SCNN1G: variants seen among roughly 807,000 people sequenced by gnomAD.
The protein encoded by SCNN1G is epithelial sodium channel subunit gamma.
In SCNN1G, 27 loss-of-function variants were observed where a neutral mutation model predicts 64.6. The ratio of observed to expected loss-of-function variants is 0.42; its 90% CI spans 0.31 to 0.58. The LOEUF is 0.58. Among genes scored for constraint, SCNN1G ranks in the 20% least tolerant of loss-of-function variants. SCNN1G has a pLI of 0.18. For synonymous variants in SCNN1G, 330 were observed against 314.2 expected, an observed-to-expected ratio of 1.05 and a Z score of -0.53; for missense variants, 743 against 823.4, an observed-to-expected ratio of 0.90 and a Z score of 1.19.
At chr16:23,209,880 G>C in intron 7 of SCNN1G, 32 bp downstream of exon 7, 2 of 1,502,658 alleles carry the variant, frequency 1.3e-6, no homozygotes, top group Non-Finnish European at 1.9e-6. Flanking sequence ...CCAGCCCTGG[G>C]TTTATGGCCC....
chr16:23,215,239 G>T lies in SCNN1G; in HGVS notation c.1720G>T (p.Ala574Ser). The T allele has an allele frequency of 6.2e-7, 1 of 1,614,158 alleles. No individual in the cohort carries two copies. The part of the protein sequence containing the change: ...RQWQKAKEWW[A>S]WKQAPPCPEA... ...GTGGCAGAAAGCCAAGGAGTGGTGG[G>T]CCTGGAAACAGGCTCCCCCATGTCC... Residue 574 changes from alanine to serine, a missense_variant, in exon 13 of 13, where the codon GCC (alanine) becomes TCC (serine). Physicochemically the swap from Ala to Ser is moderately conservative, Grantham distance 99. Transcript: ENST00000300061.
At chr16:23,189,782 C>T (rs574287508) in intron 3 of SCNN1G, 111 bp downstream of exon 3, 2 of 1,068,550 alleles carry the variant, frequency 1.9e-6, no homozygotes, top group South Asian at 2.5e-5. Context: ...AGAAATACAC[C>T]CAGCTGGGGT....
In SCNN1G at chr16:23,213,158, C is replaced by G. The variant is rs1280742959; in HGVS notation, c.1488C>G (p.Leu496=). 1 of 1,611,808 alleles carries G rather than the reference C, an allele frequency of 6.2e-7. No homozygotes were observed. Among genetic ancestry groups the G allele is most frequent in the Admixed American group, 1.7e-5 (1 of 59,914 alleles). ...WDQGRQVNKK[L]NKTDLAKLLI... ...AAGGCCGGCAAGTAAACAAAAAGCTCAACAAGTAAGTTACCTCTACCCTGT... is the reference window on the plus strand; with the variant it reads ...AAGGCCGGCAAGTAAACAAAAAGCTGAACAAGTAAGTTACCTCTACCCTGT... Residue 496 remains leucine, a synonymous_variant, in exon 11 of 13, where the codon CTC becomes CTG. Transcript: ENST00000300061.
chr16:23,206,552 C>T (rs907220205), intron 6 of SCNN1G, among the ~76,000 whole-genome samples: 4 of 152,042 alleles, frequency 2.6e-5, no homozygotes, highest in African/African-American at 9.7e-5. Context: ...GAGGTCAAGG[C>T]TGCCATGAGC....
chr16:23,185,417 C>T (rs7404408), intron 1 of SCNN1G, among the ~76,000 whole-genome samples: 33,012 of 152,068 alleles, frequency 0.22, 3,909 homozygotes, highest in Admixed American at 0.31. Context: ...ATGCATCGTG[C>T]ACATTGATGA....
chr16:23,190,455 A>G (rs937631326), intron 3 of SCNN1G, among the ~76,000 whole-genome samples: 4 of 152,228 alleles, frequency 2.6e-5, no homozygotes, highest in Admixed American at 2.6e-4. Flanking sequence ...GGGCAGATGC[A>G]GGGATCTGGG....
Position 23,212,151 on chromosome 16 carries a change from A to C in SCNN1G, c.1294A>C (p.Met432Leu). Residue 432 changes from methionine (M) to leucine (L), a missense_variant and splice_region_variant, in exon 8 of 13, where the codon ATG (methionine) becomes CTG (leucine). By Grantham distance (15) the Met-to-Leu change is conservative. Coordinates refer to ENST00000300061, the MANE Select transcript of SCNN1G (RefSeq NM_001039.4). Reference sequence around the variant, plus strand: ...CAACTACCAGCAGCACCCCAACTGGAGTGAGTGAGACCCAGCTCCAGCCTT... The same window carrying C: ...CAACTACCAGCAGCACCCCAACTGGCGTGAGTGAGACCCAGCTCCAGCCTT... ...YCNYQQHPNW[M>L]YCYYQLHRAF... 6.3e-7 allele frequency: 1 copy of C among 1,598,778 alleles called. No individual in the cohort carries two copies. Among genetic ancestry groups the C allele is most frequent in the Non-Finnish European group, 8.6e-7 (1 of 1,166,236 alleles).
Position 23,197,394 on chromosome 16 carries a change from G to A in SCNN1G, c.1044G>A (p.Glu348=). The A allele has an allele frequency of 6.2e-7, 1 of 1,614,110 alleles. No individual in the cohort carries two copies. The highest frequency in any genetic ancestry group is 8.5e-7 in the Non-Finnish European group (1 of 1,179,982). The change falls in exon 6 of 13, where the codon GAG becomes GAA. Residue 348 remains glutamate (E), a synonymous_variant. Coordinates refer to ENST00000300061, the MANE Select transcript of SCNN1G (RefSeq NM_001039.4). ...PFVEDVGTEI[E]TAMVTSIGMH... ...TCGAAGATGTGGGAACAGAGATTGA[G>A]ACAGCAATGGTCACCTCTATAGGAA... is the stretch of plus-strand genomic sequence containing the variant.
chr16:23,210,436 G>A (rs906204078), intron 7 of SCNN1G, among the ~76,000 whole-genome samples: 16 of 152,218 alleles, frequency 1.1e-4, no homozygotes, highest in Non-Finnish European at 2.4e-4. Flanking sequence ...AGGATAAACA[G>A]TGGGTGTAGC....
At chr16:23,206,474 G>A (rs1233642960) in intron 6 of SCNN1G, among the ~76,000 whole-genome samples, 1 of 152,154 alleles carries the variant, frequency 6.6e-6, no homozygotes, top group Non-Finnish European at 1.5e-5. Flanking sequence ...AGCTTGCTGG[G>A]TGCAGCGCCC....
intron 7 of SCNN1G, among the ~76,000 whole-genome samples, chr16:23,210,535 C>T (rs775502007): frequency 1.3e-5 from 2 of 152,196 alleles, no homozygotes; most frequent in Non-Finnish European, 2.9e-5. Flanking sequence ...CTCCTGTAGA[C>T]ATCTGACTTT....
At position 23,212,157 on chromosome 16, in the gene SCNN1G, T is replaced by C; in HGVS notation, c.1294+6T>C. 6.3e-7 allele frequency: 1 copy of C among 1,581,648 alleles called. No homozygotes were observed. The highest frequency in any genetic ancestry group is 8.7e-7 in the Non-Finnish European group (1 of 1,150,694). ...CCAGCAGCACCCCAACTGGAGTGAG[T>C]GAGACCCAGCTCCAGCCTTGCATGC... is the stretch of plus-strand genomic sequence containing the variant. On this transcript the variant is annotated splice_donor_region_variant and intron_variant, in intron 8 of 12. Coordinates refer to ENST00000300061, the MANE Select transcript of SCNN1G (RefSeq NM_001039.4).
intron 6 of SCNN1G, 40 bp downstream of exon 6, chr16:23,197,467 A>G: frequency 6.3e-7 from 1 of 1,587,424 alleles, no homozygotes; most frequent in Non-Finnish European, 8.6e-7. Context: ...TGGAGAGAAC[A>G]GATCTTTTTT....
At chr16:23,199,736 A>G (rs1348738441) in intron 6 of SCNN1G, among the ~76,000 whole-genome samples, 2 of 119,396 alleles carry the variant, frequency 1.7e-5, no homozygotes, top group Non-Finnish European at 3.1e-5. Flanking sequence ...CAGTGGCATG[A>G]TCTTGGCTTA....
chr16:23,194,656 T>C (rs189610379), intron 5 of SCNN1G, among the ~76,000 whole-genome samples: 242 of 152,302 alleles, frequency 1.6e-3, no homozygotes, highest in African/African-American at 5.6e-3. Context: ...TTTATCTTAG[T>C]TCAGGTGACA....
At chr16:23,204,866 G>C in intron 6 of SCNN1G, among the ~76,000 whole-genome samples, 1 of 151,882 alleles carries the variant, frequency 6.6e-6, no homozygotes, top group Non-Finnish European at 1.5e-5. Context: ...CTAGTGCTTT[G>C]GGAGGCCAAA....
intron 7 of SCNN1G, among the ~76,000 whole-genome samples, chr16:23,210,698 A>G (rs1246384466): frequency 1.3e-5 from 2 of 152,190 alleles, no homozygotes; most frequent in Non-Finnish European, 2.9e-5. Flanking sequence ...TCCAACTTAG[A>G]TAAGAGCTGA....
chr16:23,192,964 G>A (rs1959733514), intron 4 of SCNN1G, among the ~76,000 whole-genome samples: 1 of 149,488 alleles, frequency 6.7e-6, no homozygotes, highest in East Asian at 2.0e-4. Context: ...AGCTATTCAG[G>A]AGACTGAGGC....
chr16:23,183,191 G>C (rs1567260459), intron 1 of SCNN1G, among the ~76,000 whole-genome samples: 1 of 152,248 alleles, frequency 6.6e-6, no homozygotes, highest in South Asian at 2.1e-4. Context: ...TCTCCGGGGT[G>C]ACTTGGTGCA....
Sources: gnomAD v4.1 joint callset for allele counts (sites outside exome capture counted in the v4.1 genomes callset) on GRCh38, gnomAD v4.1.1 for gene constraint, MANE v1.5 for transcripts, NCBI Gene and HGNC (gene_info 2026-07-23, HGNC 2026-07-21) for gene names.